VANGL2: variants seen among roughly 807,000 people sequenced by gnomAD.
VANGL2 encodes the protein vang-like protein 2.
Under a neutral mutation model 50.2 loss-of-function variants are expected in VANGL2, and 14 were observed. The ratio of observed to expected loss-of-function variants is 0.28; its 90% CI spans 0.18 to 0.44. The LOEUF is 0.44. Among genes scored for constraint, VANGL2 ranks in the 20% least tolerant of loss-of-function variants. The pLI is 1.00. For synonymous variants in VANGL2, 295 were observed against 297.2 expected (o/e 0.99, Z 0.08); for missense variants, 533 against 701.5 (o/e 0.76, Z 2.71).
intron 3 of VANGL2, 138 bp downstream of exon 3, chr1:160,416,320 C>A: frequency 6.9e-7 from 1 of 1,455,746 alleles, no homozygotes; most frequent in Non-Finnish European, 9.5e-7. Flanking sequence ...TTTTGTGTTA[C>A]ACTTAGCTTG....
At chr1:160,407,839 C>T (rs796796402) in intron 1 of VANGL2, among the ~76,000 whole-genome samples, 8 of 152,270 alleles carry the variant, frequency 5.3e-5, no homozygotes, top group African/African-American at 1.7e-4. Flanking sequence ...TCTGCCTAGG[C>T]CAAGGGAGGA....
In VANGL2 at chr1:160,419,245, G is replaced by A. The variant is rs866058743; in HGVS notation, c.436G>A (p.Glu146Lys). The A allele has an allele frequency of 6.2e-7, 1 of 1,608,674 alleles. No individual in the cohort carries two copies. The highest frequency in any genetic ancestry group is 8.5e-7 in the Non-Finnish European group (1 of 1,179,988). ...EELEPCGTAC[E>K]GLFISVAFKL... Reference sequence around the variant, plus strand: ...GCTGGAGCCTTGCGGGACGGCCTGCGAGGGCCTCTTCATCTCTGTCGCCTT... The same window carrying A: ...GCTGGAGCCTTGCGGGACGGCCTGCAAGGGCCTCTTCATCTCTGTCGCCTT... Residue 146 changes from glutamate to lysine, a missense_variant, in exon 4 of 8, where the codon GAG (glutamate) becomes AAG (lysine). Glu to Lys is a moderately conservative substitution (Grantham distance 56). Transcript: ENST00000368061. This position sits in a 1 kb window ranked among gnomAD's most constrained non-coding sequence, Gnocchi z 5.8.
chr1:160,406,979 C>T (rs893169774), intron 1 of VANGL2, among the ~76,000 whole-genome samples: 3 of 152,114 alleles, frequency 2.0e-5, no homozygotes, highest in Non-Finnish European at 4.4e-5. Context: ...CTACCTGCCT[C>T]GGCCTCCCTA....
chr1:160,408,183 A>G (rs1283445005), intron 1 of VANGL2, among the ~76,000 whole-genome samples: 1 of 150,780 alleles, frequency 6.6e-6, no homozygotes. Context: ...GGTGCCAGAG[A>G]GACAGCGGAG....
intron 6 of VANGL2, among the ~76,000 whole-genome samples, chr1:160,422,603 T>C (rs12085898): frequency 0.29 from 43,447 of 152,142 alleles, 6,515 homozygotes; most frequent in Middle Eastern, 0.35. Context: ...TTCTTTGTCC[T>C]GTCACTTCAG....
Position 160,425,529 on chromosome 1 carries a change from C to T in VANGL2, c.*151C>T, listed in dbSNP as rs888853357. 20 of 751,352 alleles carry T rather than the reference C, an allele frequency of 2.7e-5. No homozygotes were observed. Among genetic ancestry groups the T allele is most frequent in the Non-Finnish European group, 4.0e-5 (19 of 477,118 alleles). The allele number at this position is 751,352 out of a possible 1,614,324, so 46.5% of individuals were successfully genotyped here. On this transcript the variant is annotated 3_prime_UTR_variant, in exon 8 of 8. Coordinates refer to ENST00000368061, the MANE Select transcript of VANGL2 (RefSeq NM_020335.3). ...TTAACGCACCCCCACCTTCTCTCCT[C>T]GCTTCTTCCTTATTTTACCCCATGT...
chr1:160,406,047 G>A (rs920428477), intron 1 of VANGL2, among the ~76,000 whole-genome samples: 2 of 152,146 alleles, frequency 1.3e-5, no homozygotes, highest in African/African-American at 4.8e-5. Flanking sequence ...CATCTATTGT[G>A]TGCCAGAATC....
At chr1:160,425,004 T>G in intron 7 of VANGL2, 114 bp from the exon 8 acceptor site, 1 of 1,442,296 alleles carries the variant, frequency 6.9e-7, no homozygotes, top group South Asian at 1.2e-5. Flanking sequence ...CTAGTTCATA[T>G]GCATAGAGTG....
intron 1 of VANGL2, among the ~76,000 whole-genome samples, chr1:160,406,736 G>GT (rs113737311): frequency 0.039 from 5,665 of 144,262 alleles, 320 homozygotes; most frequent in African/African-American, 0.13. Flanking sequence ...GGGGGTTCTG[G>GT]TTTTTTTTTT....
At chr1:160,413,461 A>C (rs374960838) in intron 1 of VANGL2, among the ~76,000 whole-genome samples, 2 of 151,958 alleles carry the variant, frequency 1.3e-5, no homozygotes, top group South Asian at 2.1e-4. Context: ...ACGGGGTTTC[A>C]TCATCTTGGC....
intron 3 of VANGL2, among the ~76,000 whole-genome samples, chr1:160,416,726 AG>A (rs928752321): frequency 6.6e-6 from 1 of 152,106 alleles, no homozygotes; most frequent in African/African-American, 2.4e-5. Flanking sequence ...AGAGTTCTCC[AG>A]GACAGGGGTG....
At chr1:160,409,811 G>C (rs1650811617) in intron 1 of VANGL2, among the ~76,000 whole-genome samples, 2 of 152,176 alleles carry the variant, frequency 1.3e-5, no homozygotes, top group South Asian at 4.1e-4. Flanking sequence ...GTTGGACCCT[G>C]GGCTTAGTTC....
Position 160,419,148 on chromosome 1 carries a change from C to T in VANGL2, c.339C>T (p.Ala113=), listed in dbSNP as rs199623968. The change falls in exon 4 of 8, where the codon GCC becomes GCT. Residue 113 remains alanine (A), a synonymous_variant. Coordinates refer to ENST00000368061, the MANE Select transcript of VANGL2 (RefSeq NM_020335.3). The surrounding 1 kb of genome is among the most constrained non-coding windows in gnomAD (Gnocchi z 5.8). ...CSRHLGVAAG[A]TLALLSFLTP... ...GTCACCTGGGTGTGGCAGCGGGGGC[C>T]ACCCTGGCACTGCTGTCTTTCCTCA... is the stretch of plus-strand genomic sequence containing the variant. The T allele has an allele frequency of 6.2e-7, 1 of 1,614,146 alleles. No homozygotes were observed. The highest frequency in any genetic ancestry group is 1.7e-5 in the Admixed American group (1 of 60,032).
At chr1:160,402,085 C>T (rs1211991387) in intron 1 of VANGL2, among the ~76,000 whole-genome samples, 1 of 152,062 alleles carries the variant, frequency 6.6e-6, no homozygotes, top group African/African-American at 2.4e-5. Context: ...TATCTGAGAC[C>T]TATGGGTGGG....
intron 3 of VANGL2, 104 bp from the exon 4 acceptor site, chr1:160,418,898 G>A (rs948043668): frequency 1.8e-5 from 26 of 1,417,264 alleles, no homozygotes; most frequent in Admixed American, 6.8e-5. Flanking sequence ...TTTCCCATGT[G>A]TTCTTCTCTG....
chr1:160,412,004 T>C (rs150649293), intron 1 of VANGL2, among the ~76,000 whole-genome samples: 107 of 152,326 alleles, frequency 7.0e-4, no homozygotes, highest in Non-Finnish European at 4.6e-4. Context: ...TAAAACTTGT[T>C]AATTGCTTAA....
At chr1:160,415,510 G>A (rs1571241813) in intron 1 of VANGL2, 138 bp from the exon 2 acceptor site, 1 of 387,266 alleles carries the variant, frequency 2.6e-6, no homozygotes, top group Non-Finnish European at 4.9e-6. Flanking sequence ...TGGACAGCAG[G>A]AACCTGGGTG....
At chr1:160,423,293 A>G (rs1651333807) in intron 6 of VANGL2, among the ~76,000 whole-genome samples, 5 of 152,012 alleles carry the variant, frequency 3.3e-5, no homozygotes, top group African/African-American at 1.2e-4. Flanking sequence ...TTGTCTGTAC[A>G]TCTAGTTTGT....
At chr1:160,422,272 G>C (rs1159123942) in intron 6 of VANGL2, among the ~76,000 whole-genome samples, 1 of 152,158 alleles carries the variant, frequency 6.6e-6, no homozygotes, top group Non-Finnish European at 1.5e-5. Flanking sequence ...CTGAGACTTG[G>C]GAAGGAAACC....
Sources: gnomAD v4.1 joint callset for allele counts (sites outside exome capture counted in the v4.1 genomes callset) on GRCh38, gnomAD v4.1.1 for gene constraint, Gnocchi (gnomAD v3.1) non-coding constraint, MANE v1.5 for transcripts, NCBI Gene and HGNC (gene_info 2026-07-23, HGNC 2026-07-21) for gene names.